Variants in RANBP17 observed in about 807,000 individuals in gnomAD.
RANBP17 encodes the protein ran-binding protein 17.
Under a neutral mutation model 141.2 loss-of-function variants are expected in RANBP17, and 158 were observed. That is an observed-to-expected ratio of 1.12 (90% CI 0.98 to 1.28). The LOEUF is 1.28. RANBP17 is among the 50% of genes most tolerant of loss of function. RANBP17 has a pLI of 0.00. For synonymous variants in RANBP17, 430 were observed against 450.0 expected, an observed-to-expected ratio of 0.96 and a Z score of 0.56; for missense variants, 1,438 against 1,290.7, an observed-to-expected ratio of 1.11 and a Z score of -1.75.
intron 18 of RANBP17, among the ~76,000 whole-genome samples, chr5:171,189,581 C>T (rs1356941032): frequency 5.9e-5 from 9 of 152,180 alleles, no homozygotes; most frequent in Non-Finnish European, 1.3e-4. Flanking sequence ...CTCTGGCTGC[C>T]AGGTTCTTTC....
At chr5:171,239,029 A>G (rs1485216204) in intron 22 of RANBP17, among the ~76,000 whole-genome samples, 1 of 152,140 alleles carries the variant, frequency 6.6e-6, no homozygotes, top group Non-Finnish European at 1.5e-5. Context: ...TCATTTGTTT[A>G]TACTAACACC....
At chr5:171,075,488 T>C (rs1277478393) in intron 14 of RANBP17, among the ~76,000 whole-genome samples, 1 of 151,972 alleles carries the variant, frequency 6.6e-6, no homozygotes, top group Non-Finnish European at 1.5e-5. Flanking sequence ...ATGTCCAGAG[T>C]AGGCAATTCT....
At chr5:170,880,057 A>G (rs983103322) in intron 2 of RANBP17, among the ~76,000 whole-genome samples, 1 of 152,186 alleles carries the variant, frequency 6.6e-6, no homozygotes, top group Non-Finnish European at 1.5e-5. Flanking sequence ...TTTCCGCTCC[A>G]TATGTTTTAC....
chr5:171,120,176 C>G (rs1755927923), intron 14 of RANBP17, among the ~76,000 whole-genome samples: 1 of 152,104 alleles, frequency 6.6e-6, no homozygotes, highest in Admixed American at 6.5e-5. Flanking sequence ...GAGTCTCTCT[C>G]TCTACGTGCT....
intron 12 of RANBP17, among the ~76,000 whole-genome samples, chr5:170,926,212 C>T (rs1283989810): frequency 2.0e-5 from 3 of 152,022 alleles, no homozygotes; most frequent in Admixed American, 6.6e-5. Flanking sequence ...AGGAAGCAGC[C>T]GTAGACCATA....
intron 14 of RANBP17, among the ~76,000 whole-genome samples, chr5:171,015,569 G>A (rs1401721408): frequency 3.9e-5 from 6 of 151,972 alleles, no homozygotes; most frequent in South Asian, 4.1e-4. Flanking sequence ...TGGTTTTAAT[G>A]TCTTTGTCTA....
At chr5:171,017,705 C>T (rs1780548962) in intron 14 of RANBP17, among the ~76,000 whole-genome samples, 1 of 152,110 alleles carries the variant, frequency 6.6e-6, no homozygotes, top group East Asian at 1.9e-4. Flanking sequence ...CTATAGGTTG[C>T]CTGTTGACTC....
At chr5:170,878,035 T>C (rs1481932739) in intron 1 of RANBP17, 62 bp from the exon 2 acceptor site, 1 of 1,207,660 alleles carries the variant, frequency 8.3e-7, no homozygotes, top group Non-Finnish European at 1.1e-6. Flanking sequence ...TTGTTTTTTG[T>C]GGTTAAATAT....
chr5:171,192,171 T>C (rs1761694178), intron 18 of RANBP17, among the ~76,000 whole-genome samples: 1 of 152,054 alleles, frequency 6.6e-6, no homozygotes. Context: ...GAAGAATACA[T>C]CAATGTATCA....
intron 12 of RANBP17, among the ~76,000 whole-genome samples, chr5:170,927,265 A>AACAT (rs535419365): frequency 1.1e-3 from 161 of 151,974 alleles, no homozygotes; most frequent in Non-Finnish European, 1.5e-3. Flanking sequence ...TTCATAGGAC[A>AACAT]ATATATATAT....
intron 14 of RANBP17, among the ~76,000 whole-genome samples, chr5:170,974,729 A>C (rs966523712): frequency 5.9e-5 from 9 of 152,152 alleles, no homozygotes. Context: ...AGCTGGAGGA[A>C]GTGGTACTGC....
chr5:171,291,858 T>C (rs2128044065), intron 25 of RANBP17, among the ~76,000 whole-genome samples: 1 of 152,372 alleles, frequency 6.6e-6, no homozygotes, highest in Non-Finnish European at 1.5e-5. Context: ...AGTTTATTTT[T>C]AGAAAAGTGT....
At chr5:171,117,716 A>G (rs1423651283) in intron 14 of RANBP17, among the ~76,000 whole-genome samples, 1 of 151,480 alleles carries the variant, frequency 6.6e-6, no homozygotes, top group Non-Finnish European at 1.5e-5. Context: ...CTAGTCTCGA[A>G]CTCCTGACCT....
At chr5:171,238,133 C>A (rs1764652819) in intron 22 of RANBP17, among the ~76,000 whole-genome samples, 1 of 152,084 alleles carries the variant, frequency 6.6e-6, no homozygotes, top group South Asian at 2.1e-4. Context: ...CATTCTGTTG[C>A]AAGGTCAAAA....
intron 14 of RANBP17, among the ~76,000 whole-genome samples, chr5:171,106,419 G>C (rs535058878): frequency 1.3e-5 from 2 of 152,276 alleles, no homozygotes; most frequent in Admixed American, 1.3e-4. Context: ...TAGGGGAATA[G>C]AATGAGAATA....
At chr5:171,199,556 C>G (rs1762177399) in intron 18 of RANBP17, 114 bp from the exon 19 acceptor site, 1 of 560,796 alleles carries the variant, frequency 1.8e-6, no homozygotes, top group African/African-American at 1.9e-5. Flanking sequence ...GATGTGAATG[C>G]AGGCTGACCC....
rs148960631 is a variant in RANBP17 at position 171,091,024 on chromosome 5, A to G, written c.1711-79106A>G. 9.6e-3 allele frequency among the ~76,000 whole-genome samples: 1,462 copies of G among 152,322 alleles called. 27 individuals carry two copies. The highest frequency in any genetic ancestry group is 0.034 in the African/African-American group (1,404 of 41,576). ...TCCCTCACAGAGTCCCTTCTGGAAC[A>G]TTGCCTAGTGGAGCTGTGAGAAGAG... On this transcript the variant is annotated intron_variant, in intron 14 of 27. Coordinates refer to ENST00000523189, the MANE Select transcript of RANBP17 (RefSeq NM_022897.5).
intron 14 of RANBP17, among the ~76,000 whole-genome samples, chr5:171,065,613 G>A (rs1225429783): frequency 6.6e-6 from 1 of 152,012 alleles, no homozygotes; most frequent in Admixed American, 6.5e-5. Context: ...GTATTAACCA[G>A]AGCATCTTTG....
In RANBP17 at chr5:170,892,427, G is replaced by A; in HGVS notation, c.297G>A (p.Leu99=). 4 of 1,613,076 alleles carry A rather than the reference G, an allele frequency of 2.5e-6. No homozygotes were observed. The highest frequency in any genetic ancestry group is 3.4e-6 in the Non-Finnish European group (4 of 1,179,710). Residue 99 remains leucine, a synonymous_variant, in exon 4 of 28, where the codon CTG becomes CTA. Coordinates refer to ENST00000523189, the MANE Select transcript of RANBP17 (RefSeq NM_022897.5). ...ILNYVASQPK[L]APFVIQALIQ... The stretch of plus-strand genomic sequence containing the variant: ...ATTACGTGGCATCACAGCCCAAGCT[G>A]GCTCCCTTTGTCATCCAAGCTCTTA...
Sources: gnomAD v4.1 joint callset for allele counts (sites outside exome capture counted in the v4.1 genomes callset) on GRCh38, gnomAD v4.1.1 for gene constraint, MANE v1.5 for transcripts, NCBI Gene and HGNC (gene_info 2026-07-23, HGNC 2026-07-21) for gene names.